The following USP6NL variants were observed in gnomAD, a reference collection of about 807,000 sequenced individuals.
USP6NL encodes USP6 N-terminal like, also known as USP6 N-terminal-like protein.
In USP6NL, 26 loss-of-function variants were observed where a neutral mutation model predicts 61.9. That is an observed-to-expected ratio of 0.42 (90% CI 0.31 to 0.58). The LOEUF (loss-of-function observed/expected upper bound fraction) is 0.58, where lower values mean the gene tolerates loss of function less well. Among genes scored for constraint, USP6NL ranks in the 20% least tolerant of loss-of-function variants. The pLI, the probability that USP6NL is intolerant of heterozygous loss-of-function variation, is 0.16. For missense variants in USP6NL, 1,114 were observed against 1,034.3 expected, an observed-to-expected ratio of 1.08 and a Z score of -1.06; for synonymous variants, 432 against 390.1, an observed-to-expected ratio of 1.11 and a Z score of -1.27.
intron 14 of USP6NL, among the ~76,000 whole-genome samples, chr10:11,469,878 T>C (rs950105781): frequency 1.1e-4 from 16 of 152,346 alleles, no homozygotes; most frequent in Admixed American, 8.5e-4. Flanking sequence ...TGCACGCTCA[T>C]GATACCTGCA....
At position 11,611,527 on chromosome 10, in the gene USP6NL, C is replaced by CGCGGCGCG. The variant is rs1564249820; in HGVS notation, c.-169_-168insCGCGCCGC. The CGCGGCGCG allele has an allele frequency of 6.3e-6, 1 of 158,820 alleles. No individual in the cohort carries two copies. The highest frequency in any genetic ancestry group is 1.9e-4 in the East Asian group (1 of 5,394). The allele number at this position is 158,820 out of a possible 1,614,324, so 9.8% of individuals were successfully genotyped here. A position where few individuals can be genotyped will look rare whatever the true frequency, so the allele number is the denominator to read the frequency against. On this transcript the variant is annotated 5_prime_UTR_variant, in exon 1 of 15. Coordinates refer to ENST00000609104, the MANE Select transcript of USP6NL (RefSeq NM_014688.5). This position sits in a 1 kb window ranked among gnomAD's most constrained non-coding sequence, Gnocchi z 5.3. Reference sequence around the variant, plus strand: ...GCCGAGCAGATCCGGCGCGGCGCGGCGCGGCGGCGGCGGCGGCTACCGCAG... The same window carrying CGCGGCGCG: ...GCCGAGCAGATCCGGCGCGGCGCGGCGCGGCGCGGCGGCGGCGGCGGCGGCTACCGCAG...
chr10:11,606,429 A>C (rs1181670835), intron 1 of USP6NL, among the ~76,000 whole-genome samples: 2 of 152,216 alleles, frequency 1.3e-5, no homozygotes, highest in South Asian at 4.1e-4. Context: ...AATGAAATGC[A>C]GTTAAGTCTA....
rs1439829659 is a variant in USP6NL, at chr10:11,540,384, A to T, written c.5-12817T>A. On this transcript the variant is annotated intron_variant, in intron 2 of 14. Transcript: ENST00000609104. This position sits in a 1 kb window ranked among gnomAD's most constrained non-coding sequence, Gnocchi z 5.0. The stretch of plus-strand genomic sequence containing the variant: ...ACACAATAATCATCAAATGACACTG[A>T]ACTTTACTAAAACACTTTATCCTTT... Among the ~76,000 whole-genome samples the T allele has an allele frequency of 6.6e-6, 1 of 152,236 alleles. No homozygotes were observed. Among genetic ancestry groups the T allele is most frequent in the Non-Finnish European group, 1.5e-5 (1 of 68,044 alleles).
rs551213972 is a variant in USP6NL, at chr10:11,506,892, GA to G, written c.276+2702del. On this transcript the variant is annotated intron_variant, in intron 6 of 14. Coordinates refer to ENST00000609104, the MANE Select transcript of USP6NL (RefSeq NM_014688.5). ...AAACATACTTCTCCTTGAAAGACAA[GA>G]AAAAAAATGCTAGTTTTTTTACTTG... Among the ~76,000 whole-genome samples, 62 of 151,632 alleles carry G rather than the reference GA, an allele frequency of 4.1e-4. 1 individual carries two copies. In the South Asian group the frequency reaches 0.011, roughly 26 times the overall value.
chr10:11,470,673 T>C lies in USP6NL; in HGVS notation c.1079-6824A>G, dbSNP rs1251864027. ...CAAACACTGCTCTACTTGTCTTTGGTTTAAATATCTCCTTTCACCCCTAAG... is the reference window on the plus strand; with the variant it reads ...CAAACACTGCTCTACTTGTCTTTGGCTTAAATATCTCCTTTCACCCCTAAG... On this transcript the variant is annotated intron_variant, in intron 14 of 14. Transcript: ENST00000609104. The surrounding 1 kb of genome is among the most constrained non-coding windows in gnomAD (Gnocchi z 5.4). 6.6e-6 allele frequency among the ~76,000 whole-genome samples: 1 copy of C among 152,170 alleles called. No individual in the cohort carries two copies. The highest frequency in any genetic ancestry group is 2.4e-5 in the African/African-American group (1 of 41,426).
chr10:11,502,958 A>G (rs900908290), intron 6 of USP6NL, among the ~76,000 whole-genome samples: 4 of 152,198 alleles, frequency 2.6e-5, no homozygotes, highest in Admixed American at 1.3e-4. Flanking sequence ...GACTCGCAAC[A>G]TTTGCCACAT....
At chr10:11,582,466 T>C (rs560405274) in intron 2 of USP6NL, among the ~76,000 whole-genome samples, 1 of 152,348 alleles carries the variant, frequency 6.6e-6, no homozygotes, top group Admixed American at 6.5e-5. Context: ...AATCAACCTC[T>C]ACAAACTTCT....
In USP6NL at chr10:11,462,846, C is replaced by T. The variant is rs751466721; in HGVS notation, c.2082G>A (p.Pro694=). 1.5e-5 allele frequency: 25 copies of T among 1,613,808 alleles called. No individual in the cohort carries two copies. The highest frequency in any genetic ancestry group is 1.9e-5 in the Non-Finnish European group (22 of 1,179,884). ...SYSRPSPLVL[P]SSRIEVLPVD... ...CAGGGAGGACTTCTATTCGACTAGA[C>T]GGCAGTACAAGGGGGCTTGGGCGGC... Residue 694 remains proline, a synonymous_variant, in exon 15 of 15, where the codon CCG becomes CCA. Coordinates refer to ENST00000609104, the MANE Select transcript of USP6NL (RefSeq NM_014688.5).
intron 2 of USP6NL, among the ~76,000 whole-genome samples, chr10:11,594,963 T>C (rs1444468666): frequency 1.3e-5 from 2 of 152,180 alleles, no homozygotes; most frequent in Non-Finnish European, 2.9e-5. Context: ...CAGAGTGCTA[T>C]GGAGAAGCAG....
chr10:11,550,477 C>T (rs1424505463), intron 2 of USP6NL, among the ~76,000 whole-genome samples: 2 of 152,044 alleles, frequency 1.3e-5, no homozygotes, highest in African/African-American at 4.8e-5. Context: ...CAAAAGAGGC[C>T]GAGCACTGTG....
chr10:11,509,492 C>A (rs1834603651), intron 6 of USP6NL, 103 bp downstream of exon 6: 2 of 1,156,882 alleles, frequency 1.7e-6, no homozygotes, highest in East Asian at 2.7e-5. Flanking sequence ...ATTTCAAAAC[C>A]AAATATGAAT....
intron 2 of USP6NL, among the ~76,000 whole-genome samples, chr10:11,590,323 C>T (rs573797545): frequency 6.6e-6 from 1 of 152,254 alleles, no homozygotes; most frequent in African/African-American, 2.4e-5. Context: ...TTTCACACTA[C>T]AGGAAATGAG....
intron 13 of USP6NL, among the ~76,000 whole-genome samples, chr10:11,484,380 G>A (rs918098713): frequency 1.3e-5 from 2 of 149,516 alleles, no homozygotes; most frequent in Non-Finnish European, 3.0e-5. Flanking sequence ...TGCAACTGAA[G>A]ACTAAAAATT....
chr10:11,594,538 C>T (rs1018149981), intron 2 of USP6NL, among the ~76,000 whole-genome samples: 3 of 152,160 alleles, frequency 2.0e-5, no homozygotes, highest in Non-Finnish European at 4.4e-5. Flanking sequence ...ACCCCAATTT[C>T]GTCTCCTCCA....
intron 14 of USP6NL, among the ~76,000 whole-genome samples, chr10:11,469,048 T>C (rs1255233403): frequency 1.3e-5 from 2 of 152,162 alleles, no homozygotes; most frequent in African/African-American, 4.8e-5. Flanking sequence ...GGCCTAATAG[T>C]CTACACATCA....
In USP6NL at chr10:11,597,819, A is replaced by G; in HGVS notation, c.-83-102T>C. The G allele has an allele frequency of 1.8e-6, 1 of 567,358 alleles. No individual in the cohort carries two copies. The highest frequency in any genetic ancestry group is 3.2e-6 in the Non-Finnish European group (1 of 315,476). The allele number at this position is 567,358 out of a possible 1,614,324, so 35.1% of individuals were successfully genotyped here. On this transcript the variant is annotated intron_variant, in intron 1 of 14. Coordinates refer to ENST00000609104, the MANE Select transcript of USP6NL (RefSeq NM_014688.5). The surrounding 1 kb of genome is among the most constrained non-coding windows in gnomAD (Gnocchi z 4.6). ...CATTTTGTTTCAAAAATATTCTACT[A>G]TTTCCAAAAAGAACTCTTGTGATCA... is the stretch of plus-strand genomic sequence containing the variant.
In USP6NL at chr10:11,461,316, A is replaced by G. The variant is rs1159044134; in HGVS notation, c.*1125T>C. 6.6e-6 allele frequency: 1 copy of G among 152,174 alleles called. No homozygotes were observed. 9.4% of individuals were successfully genotyped at this position (152,174 alleles called of 1,614,324 possible). On this transcript the variant is annotated 3_prime_UTR_variant, in exon 15 of 15. Coordinates refer to ENST00000609104, the MANE Select transcript of USP6NL (RefSeq NM_014688.5). ...CATGAAATCACACTGTATTTTTTAA[A>G]AGATCAAAATCCTAGACTCCTATGA...
chr10:11,608,134 C>T (rs561155151), intron 1 of USP6NL, among the ~76,000 whole-genome samples: 9 of 152,260 alleles, frequency 5.9e-5, no homozygotes, highest in Non-Finnish European at 8.8e-5. Context: ...CAAAATGAAA[C>T]CAAGACTATC....
intron 2 of USP6NL, among the ~76,000 whole-genome samples, chr10:11,576,760 A>G (rs1400521158): frequency 6.6e-6 from 1 of 152,218 alleles, no homozygotes; most frequent in Non-Finnish European, 1.5e-5. Flanking sequence ...GTAACTTCAT[A>G]ATAAGTCCTG....
Sources: gnomAD v4.1 joint callset for allele counts (sites outside exome capture counted in the v4.1 genomes callset) on GRCh38, gnomAD v4.1.1 for gene constraint, Gnocchi (gnomAD v3.1) non-coding constraint, MANE v1.5 for transcripts, NCBI Gene and HGNC (gene_info 2026-07-23, HGNC 2026-07-21) for gene names.